EPAS1: variants seen among roughly 807,000 people sequenced by gnomAD.
EPAS1 encodes the protein endothelial PAS domain-containing protein 1.
EPAS1 carries 23 observed loss-of-function variants against 87.9 expected under a neutral mutation model. That is an observed-to-expected ratio of 0.26 (90% CI 0.19 to 0.37). The LOEUF (loss-of-function observed/expected upper bound fraction) is 0.37. Ranked by LOEUF, EPAS1 falls within the 10% of genes least tolerant of loss-of-function variation. The pLI, the probability that EPAS1 is intolerant of heterozygous loss-of-function variation, is 1.00. For missense variants in EPAS1, 1,138 were observed against 1,120.7 expected, an observed-to-expected ratio of 1.02 and a Z score of -0.22; for synonymous variants, 508 against 444.3, an observed-to-expected ratio of 1.14 and a Z score of -1.80.
rs1308870724 is a variant in EPAS1 at position 46,297,874 on chromosome 2, T to C, written c.-38T>C. 2 of 1,604,280 alleles carry C rather than the reference T, an allele frequency of 1.2e-6. No homozygotes were observed. The highest frequency in any genetic ancestry group is 1.7e-6 in the Non-Finnish European group (2 of 1,175,674). On this transcript the variant is annotated 5_prime_UTR_variant, in exon 1 of 16. Coordinates refer to ENST00000263734, the MANE Select transcript of EPAS1 (RefSeq NM_001430.5). Reference sequence around the variant, plus strand: ...CCCCCCACCCGCCAGGGAGCCCAGGTGCTCGGCGTCTGAACGTCTCAAAGG... The same window carrying C: ...CCCCCCACCCGCCAGGGAGCCCAGGCGCTCGGCGTCTGAACGTCTCAAAGG...
chr2:46,313,437 T>TA (rs1683251635), intron 1 of EPAS1, among the ~76,000 whole-genome samples: 3 of 118,438 alleles, frequency 2.5e-5, no homozygotes, highest in Admixed American at 9.4e-5. Context: ...TCCCACATGT[T>TA]GTTATTTATT....
intron 1 of EPAS1, among the ~76,000 whole-genome samples, chr2:46,310,361 C>G (rs536967878): frequency 6.6e-6 from 1 of 152,228 alleles, no homozygotes; most frequent in South Asian, 2.1e-4. Context: ...GAGAACAGTC[C>G]CTTCAATATC....
In EPAS1 at chr2:46,297,533, C is replaced by G; in HGVS notation, c.-379C>G. ...ATGGTCAGCTCAGCCCGGCCTCCGA[C>G]TCCTTCCGACTCCCAGCATTCGAGC... On this transcript the variant is annotated 5_prime_UTR_variant, in exon 1 of 16. Transcript: ENST00000263734. The G allele has an allele frequency of 3.2e-6, 1 of 313,252 alleles. No individual in the cohort carries two copies. The highest frequency in any genetic ancestry group is 2.7e-5 in the South Asian group (1 of 37,594). 19.4% of individuals were successfully genotyped at this position (313,252 alleles called of 1,614,324 possible).
chr2:46,331,000 T>C (rs1683662117), intron 1 of EPAS1, among the ~76,000 whole-genome samples: 1 of 152,208 alleles, frequency 6.6e-6, no homozygotes, highest in African/African-American at 2.4e-5. Context: ...CTGACTTCTG[T>C]AGCAATGGCC....
rs151285350 is a variant in EPAS1, at chr2:46,381,642, G to C, written c.2092G>C (p.Ala698Pro). 1.5e-5 allele frequency: 25 copies of C among 1,614,026 alleles called. No individual in the cohort carries two copies. In the African/African-American group the frequency reaches 3.1e-4, roughly 20 times the overall value. Reference protein sequence around the residue: ...GARGPDVLSPAMVALSNKLKL... With the variant: ...GARGPDVLSPPMVALSNKLKL... ...TCGAGGCCCAGACGTGCTGAGTCCG[G>C]CCATGGTAGCCCTCTCCAACAAGCT... The change falls in exon 13 of 16, where the codon GCC becomes CCC. Residue 698 changes from alanine (A) to proline (P), a missense_variant. Transcript: ENST00000263734.
chr2:46,343,737 T>C (rs1224733980), intron 1 of EPAS1, among the ~76,000 whole-genome samples: 2 of 152,228 alleles, frequency 1.3e-5, no homozygotes, highest in Non-Finnish European at 2.9e-5. Context: ...GCTAAGGTGT[T>C]GCTGTTTCTT....
Position 46,371,768 on chromosome 2 carries a change from T to G in EPAS1, c.886+1835T>G, listed in dbSNP as rs1360689652. Among the ~76,000 whole-genome samples the G allele has an allele frequency of 6.6e-6, 1 of 152,240 alleles. No individual in the cohort carries two copies. Among genetic ancestry groups the G allele is most frequent in the Non-Finnish European group, 1.5e-5 (1 of 68,042 alleles). Reference sequence around the variant, plus strand: ...CCACTGATTCCCTAGGGCCTGGATTTCTGGACCTTCCTGACTTTAGATGTA... The same window carrying G: ...CCACTGATTCCCTAGGGCCTGGATTGCTGGACCTTCCTGACTTTAGATGTA... On this transcript the variant is annotated intron_variant, in intron 7 of 15. Coordinates refer to ENST00000263734, the MANE Select transcript of EPAS1 (RefSeq NM_001430.5). This position sits in a 1 kb window ranked among gnomAD's most constrained non-coding sequence, Gnocchi z 4.3.
chr2:46,380,229 G>T lies in EPAS1; in HGVS notation c.1557G>T (p.Thr519=). The change falls in exon 12 of 16, where the codon ACG becomes ACT. Residue 519 remains threonine (T), a splice_region_variant and synonymous_variant. Coordinates refer to ENST00000263734, the MANE Select transcript of EPAS1 (RefSeq NM_001430.5). The surrounding 1 kb of genome is among the most constrained non-coding windows in gnomAD (Gnocchi z 4.4). ...TEAKDQCSTQ[T]DFNELDLETL... is the part of the protein sequence containing the mutation. Reference sequence around the variant, plus strand: ...TTGCCGGTGCTGTCTCCCCTCAGACGGATTTCAATGAGCTGGACTTGGAGA... The same window carrying T: ...TTGCCGGTGCTGTCTCCCCTCAGACTGATTTCAATGAGCTGGACTTGGAGA... 1 of 1,610,674 alleles carries T rather than the reference G, an allele frequency of 6.2e-7. No individual in the cohort carries two copies. The highest frequency in any genetic ancestry group is 1.1e-5 in the South Asian group (1 of 91,088).
At position 46,309,794 on chromosome 2, in the gene EPAS1, T is replaced by A. The variant is rs541272121; in HGVS notation, c.26+11857T>A. ...AGGCCTGGGCTGGTGTTGGGAAGTT[T>A]AGGGGCAGGCCTTCCTGAGTCATGT... On this transcript the variant is annotated intron_variant, in intron 1 of 15. Coordinates refer to ENST00000263734, the MANE Select transcript of EPAS1 (RefSeq NM_001430.5). 7.9e-5 allele frequency among the ~76,000 whole-genome samples: 12 copies of A among 152,266 alleles called. 1 individual carries two copies. The highest frequency in any genetic ancestry group is 2.9e-4 in the African/African-American group (12 of 41,556).
At chr2:46,336,773 G>A (rs1421624003) in intron 1 of EPAS1, among the ~76,000 whole-genome samples, 1 of 152,178 alleles carries the variant, frequency 6.6e-6, no homozygotes, top group Admixed American at 6.5e-5. Context: ...TCCTCTGAGG[G>A]TTGTTAGGAA....
chr2:46,367,646 G>T (rs915226689), intron 6 of EPAS1, among the ~76,000 whole-genome samples: 1 of 152,214 alleles, frequency 6.6e-6, no homozygotes, highest in African/African-American at 2.4e-5. Flanking sequence ...CAAGCGACGG[G>T]ACAGATCCTT....
rs570425467 is a variant in EPAS1 at position 46,331,510 on chromosome 2, C to T, written c.27-15363C>T. ...AGAACTCTGACTGCTTTAGATCTTTCCTCTAGGTGGCATAGAGTTGTGGGG... is the reference window on the plus strand; with the variant it reads ...AGAACTCTGACTGCTTTAGATCTTTTCTCTAGGTGGCATAGAGTTGTGGGG... On this transcript the variant is annotated intron_variant, in intron 1 of 15. Transcript: ENST00000263734. Among the ~76,000 whole-genome samples the T allele has an allele frequency of 4.6e-5, 7 of 152,274 alleles. No homozygotes were observed. In the East Asian group the frequency reaches 1.4e-3, roughly 29 times the overall value.
intron 1 of EPAS1, among the ~76,000 whole-genome samples, chr2:46,324,392 A>C (rs187452063): frequency 2.1e-4 from 32 of 152,282 alleles, no homozygotes; most frequent in Admixed American, 2.1e-3. Flanking sequence ...TATGAATTGC[A>C]CACCCCACAG....
Position 46,360,798 on chromosome 2 carries a change from G to A in EPAS1, c.573+42G>A. The A allele has an allele frequency of 6.2e-7, 1 of 1,612,958 alleles. No individual in the cohort carries two copies. The highest frequency in any genetic ancestry group is 1.1e-5 in the South Asian group (1 of 91,050). On this transcript the variant is annotated intron_variant, in intron 5 of 15. Transcript: ENST00000263734. This position sits in a 1 kb window ranked among gnomAD's most constrained non-coding sequence, Gnocchi z 4.5. The stretch of plus-strand genomic sequence containing the variant: ...CCTGGGTTGGAGTCCCAGGTGTAGG[G>A]TAACGGCGGTGCAGGGGATGCCTAA...
At chr2:46,318,415 G>A (rs1683386844) in intron 1 of EPAS1, among the ~76,000 whole-genome samples, 1 of 152,172 alleles carries the variant, frequency 6.6e-6, no homozygotes, top group Admixed American at 6.5e-5. Context: ...GATATGAAGT[G>A]AGCACATACT....
chr2:46,362,953 AGTGGTGGTGGTG>A (rs1159555840), intron 6 of EPAS1, among the ~76,000 whole-genome samples: 6 of 78,094 alleles, frequency 7.7e-5, no homozygotes, highest in East Asian at 5.5e-4. Context: ...TGTAATTGTT[AGTGGTGGTGGTG>A]GTGGTGGTGG....
chr2:46,385,597 ATC>A lies in EPAS1; in HGVS notation c.*939_*940del, dbSNP rs1191605574. On this transcript the variant is annotated 3_prime_UTR_variant, in exon 16 of 16. Transcript: ENST00000263734. ...GGCCTCCCTCTGTCGGCTTTTTGCC[ATC>A]TGTGATATGCCATAGGTGTGACAAT... 1 of 152,172 alleles carries A rather than the reference ATC, an allele frequency of 6.6e-6. No individual in the cohort carries two copies. The highest frequency in any genetic ancestry group is 1.5e-5 in the Non-Finnish European group (1 of 68,042). 9.4% of individuals were successfully genotyped at this position (152,172 alleles called of 1,614,324 possible). A position where few individuals can be genotyped will look rare whatever the true frequency, so the allele number is the denominator to read the frequency against.
In EPAS1 at chr2:46,356,299, A is replaced by G; in HGVS notation, c.366A>G (p.Thr122=). The G allele has an allele frequency of 1.2e-6, 2 of 1,614,150 alleles. No individual in the cohort carries two copies. The highest frequency in any genetic ancestry group is 1.7e-6 in the Non-Finnish European group (2 of 1,180,012). ...ACATCAGCAAGTTCATGGGACTTAC[A>G]CAGGTGACACCCTCCTCTATCTCTT... is the stretch of plus-strand genomic sequence containing the variant. ...SENISKFMGL[T]QVELTGHSIF... Residue 122 remains threonine (T), a synonymous_variant, in exon 3 of 16, where the codon ACA becomes ACG. Coordinates refer to ENST00000263734, the MANE Select transcript of EPAS1 (RefSeq NM_001430.5).
In EPAS1 at chr2:46,371,091, A is replaced by T. The variant is rs1684619003; in HGVS notation, c.886+1158A>T. Among the ~76,000 whole-genome samples, 1 of 152,184 alleles carries T rather than the reference A, an allele frequency of 6.6e-6. No homozygotes were observed. Among genetic ancestry groups the T allele is most frequent in the South Asian group, 2.1e-4 (1 of 4,826 alleles). On this transcript the variant is annotated intron_variant, in intron 7 of 15. Coordinates refer to ENST00000263734, the MANE Select transcript of EPAS1 (RefSeq NM_001430.5). The surrounding 1 kb of genome is among the most constrained non-coding windows in gnomAD (Gnocchi z 4.3). Reference sequence around the variant, plus strand: ...CTGTATTTGGAAAAGAATGCTTCAAAACGAGTGCCCACAGTGGTGCAGACA... The same window carrying T: ...CTGTATTTGGAAAAGAATGCTTCAATACGAGTGCCCACAGTGGTGCAGACA...
Sources: gnomAD v4.1 joint callset for allele counts (sites outside exome capture counted in the v4.1 genomes callset) on GRCh38, gnomAD v4.1.1 for gene constraint, Gnocchi (gnomAD v3.1) non-coding constraint, MANE v1.5 for transcripts, NCBI Gene and HGNC (gene_info 2026-07-23, HGNC 2026-07-21) for gene names.